Variants in EHMT1 observed in about 807,000 individuals in gnomAD.
EHMT1 encodes the protein euchromatic histone lysine methyltransferase 1.
Under a neutral mutation model 147.2 loss-of-function variants are expected in EHMT1, and 15 were observed. The observed-to-expected ratio is 0.10, with a 90% CI of 0.07 to 0.16. EHMT1 has a LOEUF of 0.16. Ranked by LOEUF, EHMT1 falls within the 10% of genes least tolerant of loss-of-function variation. The pLI, the probability that EHMT1 is intolerant of heterozygous loss-of-function variation, is 1.00. For missense variants in EHMT1, 1,587 were observed against 1,772.4 expected, an observed-to-expected ratio of 0.90 and a Z score of 1.88; for synonymous variants, 795 against 709.6, an observed-to-expected ratio of 1.12 and a Z score of -1.91.
rs746504115 is a variant in EHMT1, at chr9:137,776,569, T to TA, written c.1792-48dup. The TA allele has an allele frequency of 6.3e-7, 1 of 1,592,572 alleles. No homozygotes were observed. Among genetic ancestry groups the TA allele is most frequent in the Non-Finnish European group, 8.6e-7 (1 of 1,162,104 alleles). ...TTTAGTAGTACTTTATTTTTCTAAATATTAACCCCAATTAAAACAAAAATT... is the reference window on the plus strand; with the variant it reads ...TTTAGTAGTACTTTATTTTTCTAAATAATTAACCCCAATTAAAACAAAAATT... On this transcript the variant is annotated intron_variant, in intron 11 of 26. Transcript: ENST00000460843. This position sits in a 1 kb window ranked among gnomAD's most constrained non-coding sequence, Gnocchi z 4.4.
Position 137,835,040 on chromosome 9 carries a change from C to A in EHMT1, c.*87C>A. ...GAGGAGGAGAGATTCCGCACGCAAC[C>A]GAAAGGGTCCTTCGGGGCTGCGCCG... On this transcript the variant is annotated 3_prime_UTR_variant, in exon 27 of 27. Coordinates refer to ENST00000460843, the MANE Select transcript of EHMT1 (RefSeq NM_024757.5). 7.6e-7 allele frequency: 1 copy of A among 1,314,160 alleles called. No homozygotes were observed. The highest frequency in any genetic ancestry group is 1.8e-5 in the South Asian group (1 of 55,310). 81.4% of individuals were successfully genotyped at this position (1,314,160 alleles called of 1,614,324 possible). A position where few individuals can be genotyped will look rare whatever the true frequency, so the allele number is the denominator to read the frequency against.
chr9:137,778,789 G>A lies in EHMT1; in HGVS notation c.2192+734G>A, dbSNP rs186738480. ...TATAAAGAAATGCCCAGGGCTGGAT[G>A]ATTTATATAGAAAAGAGGCTTAATT... On this transcript the variant is annotated intron_variant, in intron 13 of 26. Transcript: ENST00000460843. Among the ~76,000 whole-genome samples, 17 of 152,310 alleles carry A rather than the reference G, an allele frequency of 1.1e-4. No individual in the cohort carries two copies. In the East Asian group the frequency reaches 3.1e-3, roughly 28 times the overall value.
intron 13 of EHMT1, 45 bp downstream of exon 13, chr9:137,778,100 TAATCTGC>T: frequency 6.2e-7 from 1 of 1,612,234 alleles, no homozygotes; most frequent in African/African-American, 1.3e-5. Context: ...GAGCCTGTTT[TAATCTGC>T]ACCCCGCGTT....
At chr9:137,754,328 G>T (rs1395129630) in intron 8 of EHMT1, 37 bp downstream of exon 8, 1 of 1,611,622 alleles carries the variant, frequency 6.2e-7, no homozygotes, top group Non-Finnish European at 8.5e-7. Flanking sequence ...CACGGGGACT[G>T]CCTGGGAGGG....
At chr9:137,639,558 A>G (rs1156949752) in intron 1 of EHMT1, among the ~76,000 whole-genome samples, 2 of 152,298 alleles carry the variant, frequency 1.3e-5, no homozygotes, top group East Asian at 3.9e-4. Flanking sequence ...TCATTATGAA[A>G]TGTCCCTCTT....
Position 137,803,385 on chromosome 9 carries a change from C to T in EHMT1, c.2712+2401C>T, listed in dbSNP as rs556457843. ...TCCGCGCTTCACAGCCATGCCCAGC[C>T]CACCCCTGCCACCCATTGCTGGGCT... is the stretch of plus-strand genomic sequence containing the variant. On this transcript the variant is annotated intron_variant, in intron 18 of 26. Coordinates refer to ENST00000460843, the MANE Select transcript of EHMT1 (RefSeq NM_024757.5). 5.2e-6 allele frequency: 4 copies of T among 772,376 alleles called. No individual in the cohort carries two copies. In the East Asian group the frequency reaches 3.8e-4, roughly 74 times the overall value. 47.8% of individuals were successfully genotyped at this position (772,376 alleles called of 1,614,324 possible). A position where few individuals can be genotyped will look rare whatever the true frequency, so the allele number is the denominator to read the frequency against.
At chr9:137,691,722 C>T (rs866572957) in intron 1 of EHMT1, among the ~76,000 whole-genome samples, 17 of 152,346 alleles carry the variant, frequency 1.1e-4, no homozygotes, top group Middle Eastern at 3.4e-3. Context: ...TTCTCACTAG[C>T]AGCACGCAAG....
chr9:137,766,625 A>G lies in EHMT1; in HGVS notation c.1647+3805A>G, dbSNP rs544815252. 3.3e-5 allele frequency among the ~76,000 whole-genome samples: 5 copies of G among 152,292 alleles called. No individual in the cohort carries two copies. In the South Asian group the frequency reaches 8.3e-4, roughly 25 times the overall value. ...GTGAGACTCCGTCACAAAAACAAAA[A>G]CAAAAACAAAAACTACCTGTTTTGT... On this transcript the variant is annotated intron_variant, in intron 10 of 26. Coordinates refer to ENST00000460843, the MANE Select transcript of EHMT1 (RefSeq NM_024757.5).
chr9:137,791,316 T>A (rs904769607), intron 16 of EHMT1, among the ~76,000 whole-genome samples: 2 of 152,134 alleles, frequency 1.3e-5, no homozygotes, highest in African/African-American at 4.8e-5. Context: ...AAGGAAGAAG[T>A]AAAACTGCCT....
At chr9:137,822,962 C>T (rs893681855) in intron 25 of EHMT1, among the ~76,000 whole-genome samples, 15 of 151,650 alleles carry the variant, frequency 9.9e-5, no homozygotes, top group African/African-American at 3.4e-4. Flanking sequence ...TGGAGTTTCG[C>T]TCTTGTCGCC....
At chr9:137,735,709 A>C (rs190964632) in intron 4 of EHMT1, among the ~76,000 whole-genome samples, 94 of 152,288 alleles carry the variant, frequency 6.2e-4, no homozygotes, top group African/African-American at 2.1e-3. Flanking sequence ...GTGATTGGTC[A>C]TGTGTGTGGA....
chr9:137,658,979 A>G (rs913841756), intron 1 of EHMT1, among the ~76,000 whole-genome samples: 3 of 152,114 alleles, frequency 2.0e-5, no homozygotes, highest in Non-Finnish European at 4.4e-5. Flanking sequence ...CTGCTGAACC[A>G]TCGTAGACAT....
chr9:137,744,305 C>CTT (rs11370621), intron 6 of EHMT1, among the ~76,000 whole-genome samples: 5 of 149,100 alleles, frequency 3.4e-5, no homozygotes, highest in South Asian at 4.3e-4. Flanking sequence ...AAGTAAACCT[C>CTT]TTTTTTTTTT....
At chr9:137,795,019 A>G in intron 16 of EHMT1, 1 of 152,202 alleles carries the variant, frequency 6.6e-6, no homozygotes, top group South Asian at 2.1e-4. Flanking sequence ...AAATAATGTC[A>G]TAAGGTGGAG....
intron 1 of EHMT1, among the ~76,000 whole-genome samples, chr9:137,643,467 A>C (rs1368698929): frequency 6.6e-6 from 1 of 150,666 alleles, no homozygotes; most frequent in African/African-American, 2.4e-5. Context: ...CAGCCTTCCG[A>C]GTAGCTGGGA....
intron 16 of EHMT1, among the ~76,000 whole-genome samples, chr9:137,794,791 C>A (rs1248439933): frequency 6.6e-6 from 1 of 151,906 alleles, no homozygotes; most frequent in Non-Finnish European, 1.5e-5. Context: ...AAAATGTGAA[C>A]CCAGAATCCT....
chr9:137,769,842 T>TTTTCCA (rs1190892720), intron 10 of EHMT1, among the ~76,000 whole-genome samples: 1 of 149,746 alleles, frequency 6.7e-6, no homozygotes, highest in African/African-American at 2.6e-5. Flanking sequence ...TTCCTTTTCC[T>TTTTCCA]TTTCCATTTT....
At chr9:137,816,371 C>T in intron 23 of EHMT1, 1 of 425,186 alleles carries the variant, frequency 2.4e-6, no homozygotes, top group Admixed American at 3.5e-5. Context: ...TTCATGCGAA[C>T]ATTCTTCAAC....
chr9:137,702,677 G>A (rs1284742503), intron 1 of EHMT1, among the ~76,000 whole-genome samples: 2 of 152,204 alleles, frequency 1.3e-5, no homozygotes, highest in Non-Finnish European at 2.9e-5. Context: ...GGTCTGGAGG[G>A]TAGTGGTCCT....
Sources: allele counts gnomAD v4.1 joint callset (sites outside exome capture counted in the v4.1 genomes callset), GRCh38; gene constraint gnomAD v4.1.1; non-coding constraint Gnocchi (gnomAD v3.1); transcripts MANE v1.5; gene names NCBI Gene and HGNC (gene_info 2026-07-23, HGNC 2026-07-21).